The following TTC29 variants were observed in gnomAD, a reference collection of about 807,000 sequenced individuals.
TTC29 encodes tetratricopeptide repeat protein 29.
Under a neutral mutation model 58.1 loss-of-function variants are expected in TTC29, and 49 were observed. That is an observed-to-expected ratio of 0.84 (90% CI 0.67 to 1.07). The LOEUF (loss-of-function observed/expected upper bound fraction) is 1.07, where lower values mean the gene tolerates loss of function less well. TTC29 is among the 50% of genes least tolerant of loss of function. The pLI, the probability that TTC29 is intolerant of heterozygous loss-of-function variation, is 0.00. For missense variants in TTC29, 582 were observed against 555.6 expected, an observed-to-expected ratio of 1.05 and a Z score of -0.48; for synonymous variants, 209 against 196.8, an observed-to-expected ratio of 1.06 and a Z score of -0.52.
At chr4:146,756,107 T>C (rs1243468833) in intron 11 of TTC29, among the ~76,000 whole-genome samples, 1 of 152,032 alleles carries the variant, frequency 6.6e-6, no homozygotes, top group Non-Finnish European at 1.5e-5. Context: ...ACCCCGTTTC[T>C]ACTAAAAATA....
At chr4:146,798,912 A>AG (rs1222529400) in intron 11 of TTC29, among the ~76,000 whole-genome samples, 2 of 150,908 alleles carry the variant, frequency 1.3e-5, no homozygotes, top group East Asian at 1.9e-4. Flanking sequence ...AAAAAAAAAA[A>AG]AGACTACAAA....
At chr4:146,724,612 C>A (rs1479038768) in intron 11 of TTC29, among the ~76,000 whole-genome samples, 1 of 151,934 alleles carries the variant, frequency 6.6e-6, no homozygotes, top group East Asian at 1.9e-4. Context: ...CTCCTGAGTT[C>A]AAGCAATACT....
chr4:146,806,588 T>C lies in TTC29; in HGVS notation c.1102-2903A>G, dbSNP rs1561142878. On this transcript the variant is annotated intron_variant, in intron 10 of 12. Coordinates refer to ENST00000325106, the MANE Select transcript of TTC29 (RefSeq NM_031956.4). ...ATAAAAGCAGAGGTTGCAATCCTAG[T>C]CTCTGATAAAACAGACTTTAAACCA... Among the ~76,000 whole-genome samples the C allele has an allele frequency of 2.6e-5, 4 of 151,458 alleles. No individual in the cohort carries two copies. In the East Asian group the frequency reaches 7.8e-4, roughly 29 times the overall value.
chr4:146,723,831 G>T (rs966826062), intron 11 of TTC29, among the ~76,000 whole-genome samples: 2 of 152,194 alleles, frequency 1.3e-5, no homozygotes, highest in African/African-American at 4.8e-5. Flanking sequence ...ATTCCTCAGA[G>T]AACTGAAAAC....
At chr4:146,790,257 C>A (rs1034963767) in intron 11 of TTC29, among the ~76,000 whole-genome samples, 1 of 151,340 alleles carries the variant, frequency 6.6e-6, no homozygotes, top group African/African-American at 2.4e-5. Context: ...GGCGCGATCT[C>A]GGCTCTCTGC....
At chr4:146,782,700 C>T (rs1050489424) in intron 11 of TTC29, among the ~76,000 whole-genome samples, 2 of 151,860 alleles carry the variant, frequency 1.3e-5, no homozygotes, top group Non-Finnish European at 2.9e-5. Flanking sequence ...TGTGTTGTTG[C>T]TTTAAAAACT....
chr4:146,785,712 T>C (rs912496283), intron 11 of TTC29, among the ~76,000 whole-genome samples: 4 of 152,180 alleles, frequency 2.6e-5, no homozygotes, highest in Non-Finnish European at 5.9e-5. Context: ...TTTCATTCTT[T>C]TACATGTTTC....
At chr4:146,891,543 A>G (rs1156575290) in intron 6 of TTC29, among the ~76,000 whole-genome samples, 1 of 152,196 alleles carries the variant, frequency 6.6e-6, no homozygotes, top group African/African-American at 2.4e-5. Context: ...AAAATGTTGA[A>G]ACCATCACCA....
chr4:146,816,459 C>A (rs1251264417), intron 10 of TTC29, among the ~76,000 whole-genome samples: 1 of 151,918 alleles, frequency 6.6e-6, no homozygotes, highest in African/African-American at 2.4e-5. Flanking sequence ...ACACGACATG[C>A]AAAACCTGAG....
At chr4:146,840,140 AATCTTTT>A (rs1309934285) in intron 8 of TTC29, among the ~76,000 whole-genome samples, 1 of 151,418 alleles carries the variant, frequency 6.6e-6, no homozygotes. Context: ...ACTATCTCTT[AATCTTTT>A]AAGTGGGTAC....
intron 11 of TTC29, among the ~76,000 whole-genome samples, chr4:146,794,489 C>A (rs181591456): frequency 6.6e-6 from 1 of 151,986 alleles, no homozygotes; most frequent in East Asian, 1.9e-4. Context: ...TAAATCTGTA[C>A]GGTACAGTAT....
At chr4:146,736,153 G>A (rs570925237) in intron 11 of TTC29, among the ~76,000 whole-genome samples, 5 of 151,960 alleles carry the variant, frequency 3.3e-5, no homozygotes, top group Admixed American at 6.6e-5. Flanking sequence ...TGCCTGGAAC[G>A]ATAGTCAAGC....
intron 4 of TTC29, among the ~76,000 whole-genome samples, chr4:146,922,190 A>C (rs1224672407): frequency 2.0e-5 from 3 of 151,354 alleles, no homozygotes; most frequent in Non-Finnish European, 4.4e-5. Context: ...CTATAGATTT[A>C]AGTGCATTTT....
At chr4:146,835,498 T>C (rs962621971) in intron 8 of TTC29, among the ~76,000 whole-genome samples, 4 of 152,172 alleles carry the variant, frequency 2.6e-5, no homozygotes, top group Non-Finnish European at 5.9e-5. Context: ...AAAGTAAAGA[T>C]TGAATATAAT....
chr4:146,707,691 A>T, intron 11 of TTC29, 140 bp from the exon 12 acceptor site: 2 of 578,130 alleles, frequency 3.5e-6, no homozygotes, highest in Non-Finnish European at 6.1e-6. Context: ...ACCAGGGCAG[A>T]TTGTATTGTA....
intron 4 of TTC29, among the ~76,000 whole-genome samples, chr4:146,932,566 C>A (rs1245696986): frequency 1.3e-5 from 2 of 152,162 alleles, no homozygotes; most frequent in East Asian, 1.9e-4. Context: ...AGTGCCAGGG[C>A]ATTGTGCAAA....
At chr4:146,818,513 G>T (rs1430751690) in intron 10 of TTC29, among the ~76,000 whole-genome samples, 1 of 152,172 alleles carries the variant, frequency 6.6e-6, no homozygotes, top group South Asian at 2.1e-4. Context: ...AACCATTGTG[G>T]AAGTCAGTGT....
At chr4:146,915,260 TCTC>T (rs1263395958) in intron 4 of TTC29, among the ~76,000 whole-genome samples, 1 of 152,108 alleles carries the variant, frequency 6.6e-6, no homozygotes, top group African/African-American at 2.4e-5. Flanking sequence ...TTTTTCTTCT[TCTC>T]CTCCTCCACA....
intron 8 of TTC29, among the ~76,000 whole-genome samples, chr4:146,834,702 A>G (rs1728391853): frequency 6.6e-6 from 1 of 152,192 alleles, no homozygotes; most frequent in Non-Finnish European, 1.5e-5. Flanking sequence ...AATTAGCAAA[A>G]GTCATTTGAC....
Sources: allele counts gnomAD v4.1 joint callset (sites outside exome capture counted in the v4.1 genomes callset), GRCh38; gene constraint gnomAD v4.1.1; transcripts MANE v1.5; gene names NCBI Gene and HGNC (gene_info 2026-07-23, HGNC 2026-07-21).